The following ASIC2 variants were observed in gnomAD, a reference collection of about 807,000 sequenced individuals.
The protein encoded by ASIC2 is acid sensing ion channel subunit 2.
Under a neutral mutation model 57.3 loss-of-function variants are expected in ASIC2, and 25 were observed. That is an observed-to-expected ratio of 0.44 (90% CI 0.32 to 0.61). ASIC2 has a LOEUF of 0.61. Among genes scored for constraint, ASIC2 ranks in the 20% least tolerant of loss-of-function variants. The pLI, the probability that ASIC2 is intolerant of heterozygous loss-of-function variation, is 0.06. For synonymous variants in ASIC2, 319 were observed against 307.5 expected (o/e 1.04, Z -0.39); for missense variants, 641 against 738.1 (o/e 0.87, Z 1.52).
Position 33,023,875 on chromosome 17 carries a change from T to G in ASIC2, c.1335A>C (p.Ser445=). 1 of 1,614,238 alleles carries G rather than the reference T, an allele frequency of 6.2e-7. No homozygotes were observed. Among genetic ancestry groups the G allele is most frequent in the South Asian group, 1.1e-5 (1 of 91,076 alleles). ...ACTAAACTTACGAGATATATTTTTC[T>G]GATTTGTTAAATTTCTTCTCAAGGT... ...AKYLEKKFNK[S]EKYISENILV... Residue 445 remains serine, a synonymous_variant, in exon 6 of 10, where the codon TCA becomes TCC. Transcript: ENST00000225823.
chr17:33,581,891 T>C (rs1293673723), intron 1 of ASIC2, among the ~76,000 whole-genome samples: 1 of 152,184 alleles, frequency 6.6e-6, no homozygotes, highest in Admixed American at 6.5e-5. Flanking sequence ...TTTAGGAAGT[T>C]GGTTTAATTG....
chr17:33,151,133 C>A (rs1324665068), intron 1 of ASIC2, among the ~76,000 whole-genome samples: 1 of 151,692 alleles, frequency 6.6e-6, no homozygotes, highest in East Asian at 1.9e-4. Context: ...TTGAGACCAG[C>A]CTGCCAACAT....
At chr17:33,678,728 C>G (rs945594812) in intron 1 of ASIC2, among the ~76,000 whole-genome samples, 4 of 152,124 alleles carry the variant, frequency 2.6e-5, no homozygotes, top group African/African-American at 9.7e-5. Context: ...GGCTCTGTAC[C>G]AGGTGCACAG....
chr17:34,117,798 C>T (rs1911472297), intron 1 of ASIC2, among the ~76,000 whole-genome samples: 1 of 152,052 alleles, frequency 6.6e-6, no homozygotes, highest in African/African-American at 2.4e-5. Context: ...TTTGGAAGAT[C>T]CACTAGATAA....
chr17:33,155,289 C>T lies in ASIC2; in HGVS notation c.709-43222G>A, dbSNP rs149810799. On this transcript the variant is annotated intron_variant, in intron 1 of 9. Transcript: ENST00000225823. ...CTGATTCAAGCGCCGGGTGGGCGCA[C>T]TGTGGGCTGGCAGCAAGGGTTCCTG... Among the ~76,000 whole-genome samples, 379 of 152,390 alleles carry T rather than the reference C, an allele frequency of 2.5e-3. 3 individuals carry two copies. The highest frequency in any genetic ancestry group is 8.7e-3 in the African/African-American group (362 of 41,588).
At chr17:34,068,280 G>C (rs1048506586) in intron 1 of ASIC2, among the ~76,000 whole-genome samples, 1 of 152,198 alleles carries the variant, frequency 6.6e-6, no homozygotes, top group Non-Finnish European at 1.5e-5. Flanking sequence ...AGGGGACCAG[G>C]AATCAGCTTT....
intron 1 of ASIC2, among the ~76,000 whole-genome samples, chr17:33,968,848 A>T (rs986728645): frequency 2.0e-5 from 3 of 152,232 alleles, no homozygotes; most frequent in African/African-American, 7.2e-5. Flanking sequence ...AGTCAACAAC[A>T]GGGAGCTGGC....
intron 1 of ASIC2, among the ~76,000 whole-genome samples, chr17:33,835,661 T>G (rs374074617): frequency 6.6e-6 from 1 of 152,192 alleles, no homozygotes; most frequent in Non-Finnish European, 1.5e-5. Context: ...GATTTCAAAT[T>G]CTGTGACTTT....
chr17:33,329,950 C>G (rs141792605), intron 1 of ASIC2, among the ~76,000 whole-genome samples: 204 of 152,260 alleles, frequency 1.3e-3, no homozygotes, highest in Non-Finnish European at 1.3e-3. Flanking sequence ...CCTCTCACCC[C>G]CTATGGTTTA....
At chr17:33,276,891 G>A (rs12600930) in intron 1 of ASIC2, among the ~76,000 whole-genome samples, 29,059 of 152,142 alleles carry the variant, frequency 0.19, 3,023 homozygotes, top group Admixed American at 0.25. Flanking sequence ...TGGCAGGGTT[G>A]ATATGCACTC....
intron 1 of ASIC2, among the ~76,000 whole-genome samples, chr17:33,623,767 T>C (rs1054860873): frequency 1.3e-5 from 2 of 152,174 alleles, no homozygotes; most frequent in African/African-American, 4.8e-5. Flanking sequence ...ATTCCCTAAC[T>C]ACATTTTTTC....
intron 2 of ASIC2, among the ~76,000 whole-genome samples, chr17:33,104,741 A>T (rs1374866963): frequency 1.3e-5 from 2 of 152,226 alleles, no homozygotes; most frequent in East Asian, 3.8e-4. Flanking sequence ...TGCTATTTTC[A>T]TGGCAGGGCT....
chr17:33,691,663 G>T (rs753204233), intron 1 of ASIC2, among the ~76,000 whole-genome samples: 1 of 151,978 alleles, frequency 6.6e-6, no homozygotes, highest in African/African-American at 2.4e-5. Flanking sequence ...TGATTTTAAA[G>T]CATGACTTTG....
At chr17:34,105,631 T>C (rs1358241169) in intron 1 of ASIC2, among the ~76,000 whole-genome samples, 1 of 151,940 alleles carries the variant, frequency 6.6e-6, no homozygotes, top group Non-Finnish European at 1.5e-5. Context: ...CTTGTTTGGA[T>C]ACTAGTTAAT....
chr17:33,787,285 G>T (rs559913933), intron 1 of ASIC2, among the ~76,000 whole-genome samples: 1 of 152,232 alleles, frequency 6.6e-6, no homozygotes, highest in South Asian at 2.1e-4. Flanking sequence ...GGCAGTCTTT[G>T]TTACTGGATA....
At chr17:33,991,703 G>T (rs557550324) in intron 1 of ASIC2, among the ~76,000 whole-genome samples, 1 of 152,318 alleles carries the variant, frequency 6.6e-6, no homozygotes, top group East Asian at 1.9e-4. Flanking sequence ...AAGGCAGGAG[G>T]CTCTGCTAAT....
intron 1 of ASIC2, among the ~76,000 whole-genome samples, chr17:34,044,224 G>A (rs945324642): frequency 2.6e-5 from 4 of 151,998 alleles, no homozygotes; most frequent in African/African-American, 9.7e-5. Flanking sequence ...AGGATGCCCA[G>A]GTAGAAGCTA....
chr17:33,503,515 C>G (rs1163754163), intron 1 of ASIC2, among the ~76,000 whole-genome samples: 1 of 152,142 alleles, frequency 6.6e-6, no homozygotes, highest in Non-Finnish European at 1.5e-5. Context: ...ACTCCAGTAA[C>G]AAAGGCAACC....
intron 1 of ASIC2, among the ~76,000 whole-genome samples, chr17:34,087,116 T>A (rs192928950): frequency 7.3e-4 from 111 of 152,316 alleles, no homozygotes; most frequent in Non-Finnish European, 1.2e-3. Flanking sequence ...TGTTAGTTGA[T>A]GCAGTTTCTT....
Sources: allele counts gnomAD v4.1 joint callset (sites outside exome capture counted in the v4.1 genomes callset), GRCh38; gene constraint gnomAD v4.1.1; transcripts MANE v1.5; gene names NCBI Gene and HGNC (gene_info 2026-07-23, HGNC 2026-07-21).